The following RAP1GAP2 variants were observed in gnomAD, a reference collection of about 807,000 sequenced individuals.
The protein encoded by RAP1GAP2 is RAP1 GTPase activating protein 2.
A neutral mutation model predicts 95.0 loss-of-function variants in RAP1GAP2; 27 were observed. The observed-to-expected ratio is 0.28, with a 90% CI of 0.21 to 0.39. The LOEUF is 0.39. Among genes scored for constraint, RAP1GAP2 ranks in the 10% least tolerant of loss-of-function variants. The pLI is 1.00. For synonymous variants in RAP1GAP2, 373 were observed against 380.9 expected (o/e 0.98, Z 0.24); for missense variants, 771 against 970.0 (o/e 0.79, Z 2.72).
At chr17:3,014,047 C>T (rs1297502829) in intron 17 of RAP1GAP2, among the ~76,000 whole-genome samples, 3 of 152,242 alleles carry the variant, frequency 2.0e-5, no homozygotes, top group Non-Finnish European at 2.9e-5. Flanking sequence ...GACGGGAATA[C>T]GTCCTACGAC....
At chr17:2,842,910 TTC>T (rs2071428213) in intron 2 of RAP1GAP2, among the ~76,000 whole-genome samples, 2 of 152,190 alleles carry the variant, frequency 1.3e-5, no homozygotes, top group Admixed American at 6.6e-5. Context: ...CCTCCTTCTT[TTC>T]TCTCTCTTCC....
intron 1 of RAP1GAP2, among the ~76,000 whole-genome samples, chr17:2,762,208 C>G (rs768691096): frequency 1.2e-4 from 18 of 151,238 alleles, no homozygotes; most frequent in Non-Finnish European, 1.8e-4. Flanking sequence ...AGGATGATCT[C>G]GATCTCCTGA....
intron 11 of RAP1GAP2, 143 bp from the exon 12 acceptor site, chr17:2,991,154 C>T (rs1196009442): frequency 2.1e-5 from 14 of 679,474 alleles, no homozygotes; most frequent in Non-Finnish European, 3.3e-5. Context: ...CCACCCCAGT[C>T]CCACTGAGGG....
In RAP1GAP2 at chr17:2,888,010, G is replaced by T. The variant is rs531416052; in HGVS notation, c.81-17274G>T. Among the ~76,000 whole-genome samples, 4 of 152,274 alleles carry T rather than the reference G, an allele frequency of 2.6e-5. No homozygotes were observed. The South Asian group carries it at 8.3e-4, about 32-fold the overall frequency. On this transcript the variant is annotated intron_variant, in intron 2 of 24. Coordinates refer to ENST00000254695, the MANE Select transcript of RAP1GAP2 (RefSeq NM_015085.5). Reference sequence around the variant, plus strand: ...TCTACTATCTGTGTCCAGACAAGAAGCCCGAGGCCAGGAGCAGAATCAATC... The same window carrying T: ...TCTACTATCTGTGTCCAGACAAGAATCCCGAGGCCAGGAGCAGAATCAATC...
At chr17:2,810,522 C>CCTTTT (rs1567668799) in intron 2 of RAP1GAP2, among the ~76,000 whole-genome samples, 1 of 69,426 alleles carries the variant, frequency 1.4e-5, no homozygotes, top group Non-Finnish European at 2.7e-5. Flanking sequence ...TCCCCCCACC[C>CCTTTT]TTTTTTTTTT....
rs142275835 is a variant in RAP1GAP2 at position 2,973,966 on chromosome 17, G to A, written c.597-6321G>A. On this transcript the variant is annotated intron_variant, in intron 8 of 24. Transcript: ENST00000254695. ...CAGACAAGATAATCTATGATCTAAT[G>A]AGAACTAGGATGAAAATAGATTTCT... Among the ~76,000 whole-genome samples the A allele has an allele frequency of 1.1e-3, 175 of 152,238 alleles. 1 individual carries two copies. Among genetic ancestry groups the A allele is most frequent in the East Asian group, 7.1e-3 (37 of 5,184 alleles).
At chr17:3,026,185 C>A in intron 20 of RAP1GAP2, 64 bp downstream of exon 20, 1 of 1,391,130 alleles carries the variant, frequency 7.2e-7, no homozygotes, top group Non-Finnish European at 1.0e-6. Flanking sequence ...ACGCCCTCTG[C>A]CTCCTGGCCA....
At chr17:2,769,908 A>G (rs2068354204) in intron 1 of RAP1GAP2, among the ~76,000 whole-genome samples, 1 of 152,006 alleles carries the variant, frequency 6.6e-6, no homozygotes, top group South Asian at 2.1e-4. Flanking sequence ...CCCCGTCTCA[A>G]CTAAAAATAC....
chr17:2,952,747 G>A (rs1037345458), intron 3 of RAP1GAP2, among the ~76,000 whole-genome samples: 7 of 151,792 alleles, frequency 4.6e-5, no homozygotes, highest in African/African-American at 1.7e-4. Flanking sequence ...GTTTCCATGT[G>A]TTCATTGGTT....
chr17:2,771,325 C>T (rs572871236), intron 2 of RAP1GAP2, among the ~76,000 whole-genome samples: 1 of 152,126 alleles, frequency 6.6e-6, no homozygotes, highest in East Asian at 1.9e-4. Context: ...GCTCCAAACC[C>T]CTGCCCACTC....
At chr17:2,848,238 A>G (rs1295433434) in intron 2 of RAP1GAP2, among the ~76,000 whole-genome samples, 6 of 152,114 alleles carry the variant, frequency 3.9e-5, no homozygotes, top group African/African-American at 1.2e-4. Context: ...CAAGTCACAG[A>G]GATCCGTTTC....
At chr17:2,980,008 T>C (rs1463022748) in intron 8 of RAP1GAP2, among the ~76,000 whole-genome samples, 1 of 151,610 alleles carries the variant, frequency 6.6e-6, no homozygotes, top group Non-Finnish European at 1.5e-5. Context: ...TGGTACAATC[T>C]CGACTCACTG....
chr17:2,962,092 G>T (rs2044360117), intron 4 of RAP1GAP2, among the ~76,000 whole-genome samples: 2 of 152,014 alleles, frequency 1.3e-5, no homozygotes, highest in Non-Finnish European at 2.9e-5. Flanking sequence ...AGTAGAGACA[G>T]GGTTTCTCCA....
intron 2 of RAP1GAP2, among the ~76,000 whole-genome samples, chr17:2,900,131 G>A (rs1431920926): frequency 1.3e-5 from 2 of 152,170 alleles, no homozygotes; most frequent in Non-Finnish European, 2.9e-5. Flanking sequence ...TTCAGGCTTT[G>A]GGAGAACCCC....
At chr17:2,841,564 G>A (rs1465329747) in intron 2 of RAP1GAP2, among the ~76,000 whole-genome samples, 1 of 151,890 alleles carries the variant, frequency 6.6e-6, no homozygotes, top group African/African-American at 2.4e-5. Flanking sequence ...CCTCGGCCTC[G>A]GAAAGTGCTG....
In RAP1GAP2 at chr17:3,008,754, G is replaced by C. The variant is rs546028636; in HGVS notation, c.1494+609G>C. On this transcript the variant is annotated intron_variant, in intron 17 of 24. Transcript: ENST00000254695. This position sits in a 1 kb window ranked among gnomAD's most constrained non-coding sequence, Gnocchi z 4.2. ...GAGCTCGGACGGCCCCCGAGCTGGCGTGTGGTAGAGGTTTTTCATCTTATG... is the reference window on the plus strand; with the variant it reads ...GAGCTCGGACGGCCCCCGAGCTGGCCTGTGGTAGAGGTTTTTCATCTTATG... Among the ~76,000 whole-genome samples, 1 of 152,328 alleles carries C rather than the reference G, an allele frequency of 6.6e-6. No individual in the cohort carries two copies. The highest frequency in any genetic ancestry group is 6.5e-5 in the Admixed American group (1 of 15,308).
intron 2 of RAP1GAP2, among the ~76,000 whole-genome samples, chr17:2,831,761 G>A (rs2070865120): frequency 6.6e-6 from 1 of 152,064 alleles, no homozygotes; most frequent in Non-Finnish European, 1.5e-5. Flanking sequence ...TAGATGTGGT[G>A]GTGCACACCT....
At chr17:2,842,663 G>A (rs1309325596) in intron 2 of RAP1GAP2, among the ~76,000 whole-genome samples, 1 of 151,778 alleles carries the variant, frequency 6.6e-6, no homozygotes, top group Non-Finnish European at 1.5e-5. Context: ...CCTTTGAGTC[G>A]AGCCACTGCT....
At chr17:2,844,641 T>G (rs1567701786) in intron 2 of RAP1GAP2, among the ~76,000 whole-genome samples, 1 of 152,156 alleles carries the variant, frequency 6.6e-6, no homozygotes. Context: ...GTTTACCTTT[T>G]AGGCTAAAAG....
Sources: allele counts gnomAD v4.1 joint callset (sites outside exome capture counted in the v4.1 genomes callset), GRCh38; gene constraint gnomAD v4.1.1; non-coding constraint Gnocchi (gnomAD v3.1); transcripts MANE v1.5; gene names NCBI Gene and HGNC (gene_info 2026-07-23, HGNC 2026-07-21).